The following EHD2 variants were observed in gnomAD, a reference collection of about 807,000 sequenced individuals.
The protein encoded by EHD2 is EH domain containing 2.
EHD2 carries 27 observed loss-of-function variants against 41.0 expected under a neutral mutation model. The ratio of observed to expected loss-of-function variants is 0.66; its 90% CI spans 0.49 to 0.91. The LOEUF (loss-of-function observed/expected upper bound fraction) is 0.91. Ranked by LOEUF, EHD2 falls within the 40% of genes least tolerant of loss-of-function variation. The probability of loss-of-function intolerance (pLI) is 0.00; values close to 1 mark genes in which losing one functional copy is unlikely to be tolerated. For synonymous variants in EHD2, 342 were observed against 341.0 expected, an observed-to-expected ratio of 1.00 and a Z score of -0.03; for missense variants, 673 against 773.9, an observed-to-expected ratio of 0.87 and a Z score of 1.55.
At chr19:47,739,084 T>G (rs1966956314) in intron 5 of EHD2, among the ~76,000 whole-genome samples, 2 of 151,804 alleles carry the variant, frequency 1.3e-5, no homozygotes, top group Admixed American at 1.3e-4. Flanking sequence ...TTAACTTTCT[T>G]TTTTCTCTCC....
chr19:47,717,391 C>T (rs1307336641), intron 2 of EHD2, among the ~76,000 whole-genome samples: 1 of 152,060 alleles, frequency 6.6e-6, no homozygotes, highest in Admixed American at 6.6e-5. Flanking sequence ...TCTTGCTGTC[C>T]CCCTTCTCTG....
Position 47,733,829 on chromosome 19 carries a change from G to A in EHD2, c.916-2540G>A, listed in dbSNP as rs531635265. Among the ~76,000 whole-genome samples, 4 of 141,718 alleles carry A rather than the reference G, an allele frequency of 2.8e-5. 1 individual carries two copies. The highest frequency in any genetic ancestry group is 4.8e-4 in the South Asian group (2 of 4,132). 93.0% of individuals were successfully genotyped at this position (141,718 alleles called of 152,430 possible). A position where few individuals can be genotyped will look rare whatever the true frequency, so the allele number is the denominator to read the frequency against. On this transcript the variant is annotated intron_variant, in intron 4 of 5. Transcript: ENST00000263277. Reference sequence around the variant, plus strand: ...GTGAAGAAAGCAAAAAGCGAATAACGTCTTAGTATTGTTCTTAAAATAATT... The same window carrying A: ...GTGAAGAAAGCAAAAAGCGAATAACATCTTAGTATTGTTCTTAAAATAATT...
intron 4 of EHD2, among the ~76,000 whole-genome samples, chr19:47,730,496 C>G (rs967476114): frequency 6.6e-6 from 1 of 152,102 alleles, no homozygotes; most frequent in Non-Finnish European, 1.5e-5. Flanking sequence ...CGTGTCGCAC[C>G]CCCACCCCTG....
chr19:47,735,875 G>A (rs369189720), intron 4 of EHD2, among the ~76,000 whole-genome samples: 3 of 147,878 alleles, frequency 2.0e-5, no homozygotes. Context: ...CTGCACTCCA[G>A]CCTGGGCAAC....
chr19:47,740,971 G>C lies in EHD2; in HGVS notation c.1171G>C (p.Ala391Pro). Residue 391 changes from alanine (A) to proline (P), a missense_variant, in exon 6 of 6, where the codon GCC becomes CCC. Ala to Pro is a conservative substitution (Grantham distance 27). Transcript: ENST00000263277. ...ALDEMLTHDI[A>P]KLMPLLRQEE... ...GGACGAGATGCTGACGCACGACATC[G>C]CCAAGCTCATGCCCCTGCTGCGGCA... 1 of 1,612,236 alleles carries C rather than the reference G, an allele frequency of 6.2e-7. No individual in the cohort carries two copies. The highest frequency in any genetic ancestry group is 8.5e-7 in the Non-Finnish European group (1 of 1,179,932).
At position 47,725,808 on chromosome 19, in the gene EHD2, C is replaced by A; in HGVS notation, c.503-4C>A. The A allele has an allele frequency of 6.4e-7, 1 of 1,571,542 alleles. No homozygotes were observed. Among genetic ancestry groups the A allele is most frequent in the Non-Finnish European group, 8.7e-7 (1 of 1,152,772 alleles). On this transcript the variant is annotated splice_polypyrimidine_tract_variant and splice_region_variant and intron_variant, in intron 3 of 5. Transcript: ENST00000263277. Reference sequence around the variant, plus strand: ...GCGCCCCTGTCTCTCCACTCCCACTCCAGGCTACGACTTCCCGGCCGTGCT... The same window carrying A: ...GCGCCCCTGTCTCTCCACTCCCACTACAGGCTACGACTTCCCGGCCGTGCT...
At chr19:47,736,121 G>T (rs530305795) in intron 4 of EHD2, among the ~76,000 whole-genome samples, 1 of 152,126 alleles carries the variant, frequency 6.6e-6, no homozygotes, top group Non-Finnish European at 1.5e-5. Context: ...GCTTGAAGCC[G>T]GGAGGCGGAG....
At chr19:47,715,964 G>T in intron 1 of EHD2, among the ~76,000 whole-genome samples, 1 of 151,580 alleles carries the variant, frequency 6.6e-6, no homozygotes, top group Non-Finnish European at 1.5e-5. Context: ...AGACAGGATT[G>T]CACCATATTG....
In EHD2 at chr19:47,716,695, T is replaced by A. The variant is rs1333727219; in HGVS notation, c.83T>A (p.Leu28Gln). The A allele has an allele frequency of 6.2e-6, 10 of 1,611,798 alleles. No individual in the cohort carries two copies. Among genetic ancestry groups the A allele is most frequent in the Non-Finnish European group, 8.5e-6 (10 of 1,179,156 alleles). ...ACGGTGACCTCGGCCCTCAAGGAGC[T>A]GTACCGCACGAAGCTGCTGCCGCTG... ...IRTVTSALKE[L>Q]YRTKLLPLEE... Residue 28 changes from leucine (L) to glutamine (Q), a missense_variant, in exon 2 of 6, where the codon CTG becomes CAG. Leu to Gln is a moderately radical substitution (Grantham distance 113, BLOSUM62 -2). Transcript: ENST00000263277.
At chr19:47,737,344 T>C (rs1966935666) in intron 5 of EHD2, among the ~76,000 whole-genome samples, 1 of 151,926 alleles carries the variant, frequency 6.6e-6, no homozygotes, top group South Asian at 2.1e-4. Context: ...AATATTTATA[T>C]TTGTAAAATA....
rs560725176 is a variant in EHD2, at chr19:47,714,473, G to A, written c.-56+935G>A. Among the ~76,000 whole-genome samples the A allele has an allele frequency of 2.0e-4, 30 of 152,176 alleles. 1 individual carries two copies. Among genetic ancestry groups the A allele is most frequent in the African/African-American group, 5.3e-4 (22 of 41,504 alleles). On this transcript the variant is annotated intron_variant, in intron 1 of 5. Transcript: ENST00000263277. ...AATACCCACACCTGTGGCTGATATC[G>A]GGAATGAAAGAGGGGACATCACTAC...
intron 4 of EHD2, among the ~76,000 whole-genome samples, chr19:47,727,471 C>T (rs73051727): frequency 0.063 from 9,610 of 152,094 alleles, 632 homozygotes; most frequent in African/African-American, 0.16. Flanking sequence ...AAGGTTCCAG[C>T]CCTCCTGGGG....
chr19:47,718,703 T>C, intron 3 of EHD2, 97 bp downstream of exon 3: 1 of 1,102,574 alleles, frequency 9.1e-7, no homozygotes, highest in Non-Finnish European at 1.3e-6. Flanking sequence ...CTCCTGGGTC[T>C]GAGGGAGGAG....
chr19:47,726,607 C>A (rs933834954), intron 4 of EHD2, among the ~76,000 whole-genome samples: 1 of 151,286 alleles, frequency 6.6e-6, no homozygotes, highest in Admixed American at 6.6e-5. Context: ...TTCCTTCCTT[C>A]CTTCCTCTGT....
chr19:47,725,437 T>C (rs3786781), intron 3 of EHD2, among the ~76,000 whole-genome samples: 76,432 of 147,202 alleles, frequency 0.52, 20,040 homozygotes, highest in Middle Eastern at 0.65. Flanking sequence ...GGTGTGGTGA[T>C]GCGCGCCTGC....
chr19:47,737,075 CA>C (rs1462150251), intron 5 of EHD2, among the ~76,000 whole-genome samples: 1 of 151,538 alleles, frequency 6.6e-6, no homozygotes, highest in Non-Finnish European at 1.5e-5. Context: ...ACTAAAAATA[CA>C]AAAAATTAGC....
chr19:47,734,117 A>G (rs1966897923), intron 4 of EHD2, among the ~76,000 whole-genome samples: 1 of 152,202 alleles, frequency 6.6e-6, no homozygotes, highest in South Asian at 2.1e-4. Context: ...GTGTCTCCCC[A>G]GGCAAGAGAG....
In EHD2 at chr19:47,716,936, C is replaced by G. The variant is rs769257295; in HGVS notation, c.324C>G (p.Thr108=). The part of the protein sequence containing the change: ...VAVMHGDTEG[T]VPGNALVVDP... Reference sequence around the variant, plus strand: ...TCATGCACGGGGACACTGAGGGCACCGTGCCCGGCAACGCCCTCGTCGTGG... The same window carrying G: ...TCATGCACGGGGACACTGAGGGCACGGTGCCCGGCAACGCCCTCGTCGTGG... The change falls in exon 2 of 6, where the codon ACC becomes ACG. Residue 108 remains threonine (T), a synonymous_variant. Transcript: ENST00000263277. The G allele has an allele frequency of 6.2e-7, 1 of 1,609,630 alleles. No homozygotes were observed. Among genetic ancestry groups the G allele is most frequent in the East Asian group, 2.2e-5 (1 of 44,872 alleles).
Position 47,718,528 on chromosome 19 carries a change from C to T in EHD2, c.424C>T (p.Pro142Ser). ...FLNRFMCAQLPNQVLESISII... is the reference protein window; with the variant it reads ...FLNRFMCAQLSNQVLESISII... ...CCCCAGGTTCATGTGTGCCCAGCTC[C>T]CTAATCAGGTCCTGGAGAGCATCAG... Residue 142 changes from proline (P) to serine (S), a missense_variant, in exon 3 of 6, where the codon CCT (proline) becomes TCT (serine). Physicochemically the swap from Pro to Ser is moderately conservative, Grantham distance 74. Transcript: ENST00000263277. The T allele has an allele frequency of 4.4e-6, 7 of 1,585,078 alleles. No individual in the cohort carries two copies. Among genetic ancestry groups the T allele is most frequent in the Non-Finnish European group, 5.1e-6 (6 of 1,165,194 alleles).
Sources: gnomAD v4.1 joint callset for allele counts (sites outside exome capture counted in the v4.1 genomes callset) on GRCh38, gnomAD v4.1.1 for gene constraint, MANE v1.5 for transcripts, NCBI Gene and HGNC (gene_info 2026-07-23, HGNC 2026-07-21) for gene names.